The following EEF1AKMT3 variants were observed in gnomAD, a reference collection of about 807,000 sequenced individuals.
EEF1AKMT3 encodes eEF1A-KMT3.
In EEF1AKMT3, 17 loss-of-function variants were observed where a neutral mutation model predicts 17.8. The ratio of observed to expected loss-of-function variants is 0.96; its 90% CI spans 0.65 to 1.43. The LOEUF (loss-of-function observed/expected upper bound fraction) is 1.43, where lower values mean the gene tolerates loss of function less well. Ranked by LOEUF, EEF1AKMT3 falls within the 40% of genes most tolerant of loss-of-function variation. The pLI is 0.00. For synonymous variants in EEF1AKMT3, 116 were observed against 126.5 expected, an observed-to-expected ratio of 0.92 and a Z score of 0.56; for missense variants, 244 against 285.8, an observed-to-expected ratio of 0.85 and a Z score of 1.06.
At chr12:57,779,767 C>T (rs910988421) in intron 2 of EEF1AKMT3, among the ~76,000 whole-genome samples, 3 of 152,180 alleles carry the variant, frequency 2.0e-5, no homozygotes, top group African/African-American at 7.2e-5. Flanking sequence ...CTTTTCTCCC[C>T]CTTCCACATC....
Position 57,780,819 on chromosome 12 carries a change from G to A in EEF1AKMT3, c.*173G>A. 1.2e-6 allele frequency: 1 copy of A among 821,754 alleles called. No homozygotes were observed. Among genetic ancestry groups the A allele is most frequent in the Non-Finnish European group, 1.9e-6 (1 of 540,360 alleles). 50.9% of individuals were successfully genotyped at this position (821,754 alleles called of 1,614,324 possible). A position where few individuals can be genotyped will look rare whatever the true frequency, so the allele number is the denominator to read the frequency against. Reference sequence around the variant, plus strand: ...CCAGATACTCTTGGGCAGGTGCAGTGAGGTGCCTGCTTACAAGGAATCCCA... The same window carrying A: ...CCAGATACTCTTGGGCAGGTGCAGTAAGGTGCCTGCTTACAAGGAATCCCA... On this transcript the variant is annotated 3_prime_UTR_variant, in exon 3 of 3. Coordinates refer to ENST00000300209, the MANE Select transcript of EEF1AKMT3 (RefSeq NM_015433.3).
At position 57,773,022 on chromosome 12, in the gene EEF1AKMT3, G is replaced by A. The variant is rs771173648; in HGVS notation, c.183G>A (p.Leu61=). ...CTCTGTCTTTTCTCCCGTAGGCCCTGAGCCTGTGCAATTATTTCGAGAGTC... is the reference window on the plus strand; with the variant it reads ...CTCTGTCTTTTCTCCCGTAGGCCCTAAGCCTGTGCAATTATTTCGAGAGTC... ...GVAARVWDAA[L]SLCNYFESQN... The change falls in exon 2 of 3, where the codon CTG becomes CTA. Residue 61 remains leucine, a synonymous_variant. Transcript: ENST00000300209. 2.2e-5 allele frequency: 35 copies of A among 1,614,044 alleles called. No individual in the cohort carries two copies. Among genetic ancestry groups the A allele is most frequent in the Non-Finnish European group, 2.8e-5 (33 of 1,180,034 alleles).
At position 57,780,416 on chromosome 12, in the gene EEF1AKMT3, G is replaced by A; in HGVS notation, c.451G>A (p.Asp151Asn). The change falls in exon 3 of 3, where the codon GAT becomes AAT. Residue 151 changes from aspartate to asparagine, a missense_variant. Physicochemically the swap from Asp to Asn is conservative, Grantham distance 23. Transcript: ENST00000300209. ...PANYDLVLGA[D>N]IVYLEPTFPL... ...AAACTATGACCTGGTGCTGGGGGCTGATATCGTGTACCTGGAACCCACCTT... is the reference window on the plus strand; with the variant it reads ...AAACTATGACCTGGTGCTGGGGGCTAATATCGTGTACCTGGAACCCACCTT... 1.2e-6 allele frequency: 2 copies of A among 1,614,214 alleles called. No individual in the cohort carries two copies. Among genetic ancestry groups the A allele is most frequent in the African/African-American group, 2.7e-5 (2 of 75,048 alleles).
At chr12:57,773,521 G>A (rs985863602) in intron 2 of EEF1AKMT3, among the ~76,000 whole-genome samples, 4 of 151,934 alleles carry the variant, frequency 2.6e-5, no homozygotes, top group Admixed American at 2.0e-4. Flanking sequence ...GCTGCCTCCC[G>A]GGTTCAAGCA....
chr12:57,778,307 T>TTTTTTTTC (rs536788916), intron 2 of EEF1AKMT3, among the ~76,000 whole-genome samples: 1 of 105,388 alleles, frequency 9.5e-6, no homozygotes, highest in East Asian at 4.2e-4. Flanking sequence ...TTTTTTTTTT[T>TTTTTTTTC]TGAGACAGGT....
Position 57,780,749 on chromosome 12 carries a change from G to T in EEF1AKMT3, c.*103G>T. 1 of 1,460,380 alleles carries T rather than the reference G, an allele frequency of 6.8e-7. No individual in the cohort carries two copies. Among genetic ancestry groups the T allele is most frequent in the Non-Finnish European group, 9.2e-7 (1 of 1,085,278 alleles). The allele number at this position is 1,460,380 out of a possible 1,614,324, so 90.5% of individuals were successfully genotyped here. ...ACAAACATGAGGACCAAAAAGGATG[G>T]ATTTCCCTGGCCTCTCTCACTTTCC... is the stretch of plus-strand genomic sequence containing the variant. On this transcript the variant is annotated 3_prime_UTR_variant, in exon 3 of 3. Transcript: ENST00000300209.
chr12:57,780,157 G>A, intron 2 of EEF1AKMT3, 98 bp from the exon 3 acceptor site: 1 of 1,464,730 alleles, frequency 6.8e-7, no homozygotes, highest in Non-Finnish European at 9.2e-7. Context: ...TCAAGACATT[G>A]TCCTCTATGC....
Position 57,782,537 on chromosome 12 carries a change from C to T in EEF1AKMT3, c.*1891C>T. The T allele has an allele frequency of 2.1e-6, 1 of 480,958 alleles. No homozygotes were observed. The highest frequency in any genetic ancestry group is 3.6e-5 in the South Asian group (1 of 27,898). 29.8% of individuals were successfully genotyped at this position (480,958 alleles called of 1,614,324 possible). A position where few individuals can be genotyped will look rare whatever the true frequency, so the allele number is the denominator to read the frequency against. On this transcript the variant is annotated 3_prime_UTR_variant, in exon 3 of 3. Coordinates refer to ENST00000300209, the MANE Select transcript of EEF1AKMT3 (RefSeq NM_015433.3). ...ATTGAAAATAAACATAAAATGTTAC[C>T]CACATTTCTTGTGTTGTTGTTTTGT...
chr12:57,773,812 G>A (rs975851692), intron 2 of EEF1AKMT3, among the ~76,000 whole-genome samples: 10 of 152,160 alleles, frequency 6.6e-5, no homozygotes, highest in Admixed American at 1.3e-4. Flanking sequence ...CACATATGGG[G>A]GTACTCTGTA....
At chr12:57,774,207 G>A (rs1017835833) in intron 2 of EEF1AKMT3, among the ~76,000 whole-genome samples, 2 of 152,232 alleles carry the variant, frequency 1.3e-5, no homozygotes, top group South Asian at 2.1e-4. Flanking sequence ...CTAGCCGGGC[G>A]CAGTGGCTCA....
At chr12:57,773,959 G>A (rs370680425) in intron 2 of EEF1AKMT3, among the ~76,000 whole-genome samples, 53 of 152,258 alleles carry the variant, frequency 3.5e-4, no homozygotes, top group African/African-American at 1.2e-3. Flanking sequence ...TGTAGGAAGC[G>A]GGGTAGGAAT....
Position 57,780,612 on chromosome 12 carries a change from A to G in EEF1AKMT3, c.647A>G (p.Tyr216Cys), listed in dbSNP as rs74401407. ...QRDEDENVNIYRARHREPRPA is the reference protein window; with the variant it reads ...QRDEDENVNICRARHREPRPA ...GATGAGGATGAAAATGTCAACATCT[A>G]TAGGGCCAGGCACAGGGAACCAAGA... The change falls in exon 3 of 3, where the codon TAT (tyrosine) becomes TGT (cysteine). Residue 216 changes from tyrosine to cysteine, a missense_variant. Transcript: ENST00000300209. 177 of 1,611,214 alleles carry G rather than the reference A, an allele frequency of 1.1e-4. 1 individual carries two copies. Among genetic ancestry groups the G allele is most frequent in the Non-Finnish European group, 1.4e-4 (165 of 1,180,032 alleles).
intron 2 of EEF1AKMT3, 88 bp from the exon 3 acceptor site, chr12:57,780,167 C>T (rs1955503314): frequency 6.6e-7 from 1 of 1,518,500 alleles, no homozygotes; most frequent in Non-Finnish European, 8.9e-7. Context: ...GTCCTCTATG[C>T]TCTGAGGTCT....
At chr12:57,773,494 C>T (rs1252265880) in intron 2 of EEF1AKMT3, among the ~76,000 whole-genome samples, 1 of 151,842 alleles carries the variant, frequency 6.6e-6, no homozygotes, top group Non-Finnish European at 1.5e-5. Context: ...TGGCTGCTAT[C>T]CCCACTAACT....
At chr12:57,775,243 T>C (rs1361165337) in intron 2 of EEF1AKMT3, among the ~76,000 whole-genome samples, 1 of 151,998 alleles carries the variant, frequency 6.6e-6, no homozygotes, top group Non-Finnish European at 1.5e-5. Flanking sequence ...ACACCTAGCT[T>C]CACTTGCTCC....
intron 2 of EEF1AKMT3, among the ~76,000 whole-genome samples, chr12:57,779,766 C>T (rs935130003): frequency 2.6e-5 from 4 of 152,200 alleles, no homozygotes; most frequent in African/African-American, 9.7e-5. Context: ...ACTTTTCTCC[C>T]CCTTCCACAT....
Position 57,781,407 on chromosome 12 carries a change from G to A in EEF1AKMT3, c.*761G>A, listed in dbSNP as rs1272627656. ...AAGAATTAAGCCTTAAAAATCTATT[G>A]TGCAAGAACCCAACTTTTACTCAGG... On this transcript the variant is annotated 3_prime_UTR_variant, in exon 3 of 3. Transcript: ENST00000300209. 1 of 150,022 alleles carries A rather than the reference G, an allele frequency of 6.7e-6. No homozygotes were observed. Among genetic ancestry groups the A allele is most frequent in the African/African-American group, 2.5e-5 (1 of 40,658 alleles). The allele number at this position is 150,022 out of a possible 1,614,324, so 9.3% of individuals were successfully genotyped here. A position where few individuals can be genotyped will look rare whatever the true frequency, so the allele number is the denominator to read the frequency against.
intron 2 of EEF1AKMT3, among the ~76,000 whole-genome samples, chr12:57,774,978 G>A (rs1955470803): frequency 6.6e-6 from 1 of 151,876 alleles, no homozygotes; most frequent in Non-Finnish European, 1.5e-5. Flanking sequence ...GGTGGTGCAT[G>A]CCTGTAATCC....
rs776236328 is a variant in EEF1AKMT3, at chr12:57,782,233, G to C, written c.*1587G>C. 1 of 152,174 alleles carries C rather than the reference G, an allele frequency of 6.6e-6. No individual in the cohort carries two copies. Among genetic ancestry groups the C allele is most frequent in the Non-Finnish European group, 1.5e-5 (1 of 68,078 alleles). The allele number at this position is 152,174 out of a possible 1,614,324, so 9.4% of individuals were successfully genotyped here. On this transcript the variant is annotated 3_prime_UTR_variant, in exon 3 of 3. Transcript: ENST00000300209. Reference sequence around the variant, plus strand: ...GGTTCATCTTATGGGACCTTAATTTGTCTTGCATGGACATTTGTGATTCTC... The same window carrying C: ...GGTTCATCTTATGGGACCTTAATTTCTCTTGCATGGACATTTGTGATTCTC...
Sources: gnomAD v4.1 joint callset for allele counts (sites outside exome capture counted in the v4.1 genomes callset) on GRCh38, gnomAD v4.1.1 for gene constraint, MANE v1.5 for transcripts, NCBI Gene and HGNC (gene_info 2026-07-23, HGNC 2026-07-21) for gene names.